TLN1: variants seen among roughly 807,000 people sequenced by gnomAD.
TLN1 encodes the protein talin-1.
In TLN1, 56 loss-of-function variants were observed where a neutral mutation model predicts 292.3. The ratio of observed to expected loss-of-function variants is 0.19; its 90% CI spans 0.15 to 0.24. The LOEUF is 0.24. Among genes scored for constraint, TLN1 ranks in the 10% least tolerant of loss-of-function variants. TLN1 has a pLI of 1.00. For synonymous variants in TLN1, 1,119 were observed against 1,253.7 expected (o/e 0.89, Z 2.27); for missense variants, 2,433 against 3,248.2 (o/e 0.75, Z 6.10).
At chr9:35,712,260 G>A in intron 27 of TLN1, 136 bp from the exon 28 acceptor site, 2 of 1,248,838 alleles carry the variant, frequency 1.6e-6, no homozygotes, top group South Asian at 1.6e-5. Flanking sequence ...AGGTGAACAG[G>A]CTGAGGTTAG....
chr9:35,709,272 C>T (rs369716973), intron 33 of TLN1, among the ~76,000 whole-genome samples: 5 of 151,930 alleles, frequency 3.3e-5, no homozygotes, highest in South Asian at 2.1e-4. Context: ...TCCAGCCTGG[C>T]GACAGAGCGA....
At position 35,715,044 on chromosome 9, in the gene TLN1, A is replaced by G. The variant is rs1335336730; in HGVS notation, c.2754+15T>C. ...CCACACTCTCTCTTGCTCCTGGTGAAACTCCCAGCCTCACCTCCAGGCGCT... is the reference window on the plus strand; with the variant it reads ...CCACACTCTCTCTTGCTCCTGGTGAGACTCCCAGCCTCACCTCCAGGCGCT... On this transcript the variant is annotated intron_variant, in intron 21 of 56. Transcript: ENST00000314888. 1 of 1,612,686 alleles carries G rather than the reference A, an allele frequency of 6.2e-7. No individual in the cohort carries two copies. The highest frequency in any genetic ancestry group is 8.5e-7 in the Non-Finnish European group (1 of 1,180,016).
intron 1 of TLN1, among the ~76,000 whole-genome samples, chr9:35,727,919 G>A (rs552945463): frequency 2.0e-5 from 3 of 152,320 alleles, no homozygotes; most frequent in East Asian, 3.9e-4. Context: ...GTGTGTGGAC[G>A]CGAAGAACTG....
chr9:35,707,983 C>T lies in TLN1; in HGVS notation c.4471-91G>A. The T allele has an allele frequency of 6.8e-7, 1 of 1,465,148 alleles. No homozygotes were observed. The allele number at this position is 1,465,148 out of a possible 1,614,324, so 90.8% of individuals were successfully genotyped here. On this transcript the variant is annotated intron_variant, in intron 34 of 56. Coordinates refer to ENST00000314888, the MANE Select transcript of TLN1 (RefSeq NM_006289.4). This position sits in a 1 kb window ranked among gnomAD's most constrained non-coding sequence, Gnocchi z 5.6. Reference sequence around the variant, plus strand: ...CATTTTAGGGTCAGGGGATGGAGAGCAATACCCTGAGGAGTCAAAACAGGA... The same window carrying T: ...CATTTTAGGGTCAGGGGATGGAGAGTAATACCCTGAGGAGTCAAAACAGGA...
intron 7 of TLN1, 119 bp downstream of exon 7, chr9:35,723,833 C>G: frequency 6.6e-7 from 1 of 1,506,518 alleles, no homozygotes; most frequent in Admixed American, 2.1e-5. Flanking sequence ...GTTGGTCAAA[C>G]CCTGGTACCT....
chr9:35,703,430 A>ATTT lies in TLN1; in HGVS notation c.6474+129_6474+130insAAA, dbSNP rs368807321. On this transcript the variant is annotated intron_variant, in intron 48 of 56. Transcript: ENST00000314888. ...CAGAGCAAGACCCTTCTCAAAAAAAAAGTCTGGCGATAGATGAGAGAGAAG... is the reference window on the plus strand; with the variant it reads ...CAGAGCAAGACCCTTCTCAAAAAAAATTTAGTCTGGCGATAGATGAGAGAGAAG... The ATTT allele has an allele frequency of 3.6e-4, 310 of 864,752 alleles. 2 individuals are homozygous for ATTT. In the African/African-American group the frequency reaches 4.4e-3, roughly 12 times the overall value. The allele number at this position is 864,752 out of a possible 1,614,324, so 53.6% of individuals were successfully genotyped here.
chr9:35,723,820 T>C lies in TLN1; in HGVS notation c.782+132A>G, dbSNP rs571911917. On this transcript the variant is annotated intron_variant, in intron 7 of 56. Transcript: ENST00000314888. Reference sequence around the variant, plus strand: ...GGATGATGGCAACTAAAAGGGTAGCTATGTTGGTCAAACCCTGGTACCTCG... The same window carrying C: ...GGATGATGGCAACTAAAAGGGTAGCCATGTTGGTCAAACCCTGGTACCTCG... 2.4e-4 allele frequency: 321 copies of C among 1,352,004 alleles called. No homozygotes were observed. The African/African-American group carries it at 4.3e-3, about 18-fold the overall frequency. The allele number at this position is 1,352,004 out of a possible 1,614,324, so 83.8% of individuals were successfully genotyped here.
chr9:35,720,596 C>T, intron 11 of TLN1, 87 bp from the exon 12 acceptor site: 1 of 1,335,342 alleles, frequency 7.5e-7, no homozygotes, highest in Non-Finnish European at 1.1e-6. Flanking sequence ...CATAACCAGC[C>T]ATTTTCCAGA....
At chr9:35,727,210 C>G (rs879638511) in intron 1 of TLN1, among the ~76,000 whole-genome samples, 4 of 152,076 alleles carry the variant, frequency 2.6e-5, no homozygotes, top group Non-Finnish European at 4.4e-5. Context: ...GCTGCCCATT[C>G]CCCTCCTGGC....
chr9:35,714,556 G>T lies in TLN1; in HGVS notation c.2985+18C>A, dbSNP rs377024651. 4.4e-6 allele frequency: 7 copies of T among 1,605,312 alleles called. No individual in the cohort carries two copies. In the East Asian group the frequency reaches 1.6e-4, roughly 36 times the overall value. Reference sequence around the variant, plus strand: ...GGTGGGAAGGTCAGGTCAGAGAAGTGCAGAGGGGGTGCCTTGCCTGCAGGA... The same window carrying T: ...GGTGGGAAGGTCAGGTCAGAGAAGTTCAGAGGGGGTGCCTTGCCTGCAGGA... On this transcript the variant is annotated intron_variant, in intron 23 of 56. Transcript: ENST00000314888. The surrounding 1 kb of genome is among the most constrained non-coding windows in gnomAD (Gnocchi z 4.6).
At position 35,704,306 on chromosome 9, in the gene TLN1, T is replaced by C. The variant is rs775749942; in HGVS notation, c.6047+26A>G. 2.5e-6 allele frequency: 4 copies of C among 1,606,546 alleles called. No homozygotes were observed. Among genetic ancestry groups the C allele is most frequent in the Admixed American group, 1.7e-5 (1 of 59,564 alleles). ...AGCCCCGTGCCCCGACCTGTCTGCC[T>C]CCCTTAGGCCCAGTTCCTGTCTTAC... On this transcript the variant is annotated intron_variant, in intron 45 of 56. Coordinates refer to ENST00000314888, the MANE Select transcript of TLN1 (RefSeq NM_006289.4). The surrounding 1 kb of genome is among the most constrained non-coding windows in gnomAD (Gnocchi z 6.9).
chr9:35,710,258 C>T (rs1280108457), intron 33 of TLN1, among the ~76,000 whole-genome samples: 3 of 141,218 alleles, frequency 2.1e-5, no homozygotes, highest in African/African-American at 7.7e-5. Context: ...GTAGTAATAA[C>T]ATGAAAAAAT....
At position 35,714,189 on chromosome 9, in the gene TLN1, C is replaced by T. The variant is rs369789136; in HGVS notation, c.3120+50G>A. The T allele has an allele frequency of 6.3e-7, 1 of 1,595,362 alleles. No individual in the cohort carries two copies. Among genetic ancestry groups the T allele is most frequent in the South Asian group, 1.1e-5 (1 of 89,422 alleles). On this transcript the variant is annotated intron_variant, in intron 24 of 56. Transcript: ENST00000314888. The surrounding 1 kb of genome is among the most constrained non-coding windows in gnomAD (Gnocchi z 4.6). The stretch of plus-strand genomic sequence containing the variant: ...GGGTTATTCTGCACAGATTTCCTCT[C>T]ATCACAGGACTCCAGCCTCATCTTC...
rs374417118 is a variant in TLN1, at chr9:35,720,927, TG to T, written c.1105-15del. On this transcript the variant is annotated splice_polypyrimidine_tract_variant and intron_variant, in intron 10 of 56. Transcript: ENST00000314888. The stretch of plus-strand genomic sequence containing the variant: ...ATCTCCAAAATCCTAGGGTGACAAG[TG>T]GGGGACTCAGAGGGAAAGCTCAAAT... 2.4e-4 allele frequency: 379 copies of T among 1,598,818 alleles called. 4 individuals carry two copies. In the African/African-American group the frequency reaches 4.4e-3, roughly 18 times the overall value.
rs1309223012 is a variant in TLN1, at chr9:35,707,503, GA to G, written c.4633-16del. 1 of 1,613,160 alleles carries G rather than the reference GA, an allele frequency of 6.2e-7. No individual in the cohort carries two copies. The highest frequency in any genetic ancestry group is 8.5e-7 in the Non-Finnish European group (1 of 1,179,312). The stretch of plus-strand genomic sequence containing the variant: ...CCATCTAGCGCCTAGAAGTGACAGA[GA>G]GGCTCTCAGGACTTGGGATGCAGTC... On this transcript the variant is annotated splice_polypyrimidine_tract_variant and intron_variant, in intron 35 of 56. Coordinates refer to ENST00000314888, the MANE Select transcript of TLN1 (RefSeq NM_006289.4). This position sits in a 1 kb window ranked among gnomAD's most constrained non-coding sequence, Gnocchi z 5.6.
Sources: allele counts gnomAD v4.1 joint callset (sites outside exome capture counted in the v4.1 genomes callset), GRCh38; gene constraint gnomAD v4.1.1; non-coding constraint Gnocchi (gnomAD v3.1); transcripts MANE v1.5; gene names NCBI Gene and HGNC (gene_info 2026-07-23, HGNC 2026-07-21).